SCYL3: variants seen among roughly 807,000 people sequenced by gnomAD.
SCYL3 encodes protein-associating with the carboxyl-terminal domain of ezrin.
Under a neutral mutation model 73.8 loss-of-function variants are expected in SCYL3, and 35 were observed. The observed-to-expected ratio is 0.47, with a 90% CI of 0.36 to 0.63. The LOEUF is 0.63. Among genes scored for constraint, SCYL3 ranks in the 20% least tolerant of loss-of-function variants. The pLI is 0.00. For synonymous variants in SCYL3, 277 were observed against 295.2 expected, an observed-to-expected ratio of 0.94 and a Z score of 0.63; for missense variants, 712 against 798.9, an observed-to-expected ratio of 0.89 and a Z score of 1.31.
intron 2 of SCYL3, among the ~76,000 whole-genome samples, chr1:169,883,697 T>C (rs146754172): frequency 1.1e-3 from 167 of 150,276 alleles, no homozygotes; most frequent in African/African-American, 3.9e-3. Context: ...TCTCAGTGGG[T>C]TGGTTTCTCC....
chr1:169,853,672 AAAG>A lies in SCYL3; in HGVS notation c.*38_*40del, dbSNP rs1658724175. The A allele has an allele frequency of 2.5e-6, 4 of 1,603,628 alleles. No homozygotes were observed. Among genetic ancestry groups the A allele is most frequent in the Non-Finnish European group, 3.4e-6 (4 of 1,174,446 alleles). On this transcript the variant is annotated 3_prime_UTR_variant, in exon 13 of 13. Coordinates refer to ENST00000367771, the MANE Select transcript of SCYL3 (RefSeq NM_020423.7). ...TTTGAGGTATTGATTTTTTTTAAAAAAAGGGAATCCTTTTTCCTAAAGTTTAAC... is the reference window on the plus strand; with the variant it reads ...TTTGAGGTATTGATTTTTTTTAAAAAGGAATCCTTTTTCCTAAAGTTTAAC...
intron 2 of SCYL3, among the ~76,000 whole-genome samples, chr1:169,882,776 G>T (rs1661384616): frequency 6.6e-6 from 1 of 152,080 alleles, no homozygotes; most frequent in South Asian, 2.1e-4. Context: ...TCCACACTCT[G>T]TATCTAGCTA....
intron 9 of SCYL3, among the ~76,000 whole-genome samples, chr1:169,863,907 C>T (rs1314282843): frequency 6.6e-6 from 1 of 152,130 alleles, no homozygotes; most frequent in Non-Finnish European, 1.5e-5. Flanking sequence ...ATCTCTAGTG[C>T]TATAAAATTG....
chr1:169,863,264 C>T (rs1020833476), intron 9 of SCYL3, among the ~76,000 whole-genome samples: 9 of 152,046 alleles, frequency 5.9e-5, no homozygotes, highest in African/African-American at 1.7e-4. Context: ...TTTTCTTGAC[C>T]GAAAATTACT....
chr1:169,887,615 G>T (rs940540830), intron 2 of SCYL3, among the ~76,000 whole-genome samples: 1 of 152,052 alleles, frequency 6.6e-6, no homozygotes, highest in Admixed American at 6.5e-5. Context: ...ATACCTAGAT[G>T]ATGTAAAAAA....
chr1:169,855,574 G>A (rs548426894), intron 11 of SCYL3, among the ~76,000 whole-genome samples: 25 of 152,142 alleles, frequency 1.6e-4, no homozygotes, highest in Non-Finnish European at 2.6e-4. Flanking sequence ...TAAAGTATCA[G>A]TGCAAAAAAG....
Position 169,868,943 on chromosome 1 carries a change from G to C in SCYL3, c.722C>G (p.Ser241Cys). 6.2e-7 allele frequency: 1 copy of C among 1,613,634 alleles called. No homozygotes were observed. Among genetic ancestry groups the C allele is most frequent in the Non-Finnish European group, 8.5e-7 (1 of 1,179,556 alleles). Residue 241 changes from serine (S) to cysteine (C), a missense_variant, in exon 7 of 13, where the codon TCT becomes TGT. Physicochemically the swap from Ser to Cys is moderately radical, Grantham distance 112. Coordinates refer to ENST00000367771, the MANE Select transcript of SCYL3 (RefSeq NM_020423.7). ...ATGCCCTCACCTGAAGAAGTCATGA[G>C]ATAGTAAGGTGCAGAGCGCTGGCCG... ...KCRPALCTLL[S>C]HDFFRNDFLE...
At chr1:169,856,474 T>A (rs1268254326) in intron 11 of SCYL3, among the ~76,000 whole-genome samples, 1 of 152,098 alleles carries the variant, frequency 6.6e-6, no homozygotes, top group Admixed American at 6.6e-5. Context: ...AGTTTATACT[T>A]AAAAAAATGG....
At chr1:169,864,041 G>C (rs1355707456) in intron 9 of SCYL3, among the ~76,000 whole-genome samples, 1 of 152,150 alleles carries the variant, frequency 6.6e-6, no homozygotes, top group Non-Finnish European at 1.5e-5. Flanking sequence ...TGGTAAGGTA[G>C]GAGGCACAGG....
rs374957147 is a variant in SCYL3 at position 169,852,846 on chromosome 1, G to A, written c.*867C>T. 1.1e-4 allele frequency: 171 copies of A among 1,613,974 alleles called. No individual in the cohort carries two copies. The highest frequency in any genetic ancestry group is 6.3e-4 in the South Asian group (57 of 91,084). On this transcript the variant is annotated 3_prime_UTR_variant, in exon 13 of 13. Transcript: ENST00000367771. ...CCTGGGAAGAAGAGTACAGGTCAGCGCTGCATACAATAGCAGGGGCTTTGG... is the reference window on the plus strand; with the variant it reads ...CCTGGGAAGAAGAGTACAGGTCAGCACTGCATACAATAGCAGGGGCTTTGG...
chr1:169,878,340 A>G (rs1660998701), intron 3 of SCYL3, among the ~76,000 whole-genome samples: 1 of 152,214 alleles, frequency 6.6e-6, no homozygotes, highest in South Asian at 2.1e-4. Context: ...TGCCAGCTGT[A>G]GCTATGTTTA....
At chr1:169,870,937 AT>A (rs1415800586) in intron 5 of SCYL3, among the ~76,000 whole-genome samples, 1 of 152,176 alleles carries the variant, frequency 6.6e-6, no homozygotes, top group Non-Finnish European at 1.5e-5. Context: ...AGCACACTAA[AT>A]ATATCTTTGG....
At position 169,849,721 on chromosome 1, in the gene SCYL3, C is replaced by T; in HGVS notation, c.*3992G>A. On this transcript the variant is annotated 3_prime_UTR_variant, in exon 13 of 13. Transcript: ENST00000367771. ...TTCTGTATTGCAATCGGAAAATTGT[C>T]TGAAGGGTACATTACTCGTTATCTC... 1.3e-6 allele frequency: 1 copy of T among 743,984 alleles called. No homozygotes were observed. Among genetic ancestry groups the T allele is most frequent in the Non-Finnish European group, 2.2e-6 (1 of 447,212 alleles). 46.1% of individuals were successfully genotyped at this position (743,984 alleles called of 1,614,324 possible). A position where few individuals can be genotyped will look rare whatever the true frequency, so the allele number is the denominator to read the frequency against.
At position 169,851,667 on chromosome 1, in the gene SCYL3, TA is replaced by T; in HGVS notation, c.*2045del. ...CACAGTAGAGTGATTTAATCCAGAT[TA>T]TACTAAGAGTATTTATAGATCAGTC... On this transcript the variant is annotated 3_prime_UTR_variant, in exon 13 of 13. Coordinates refer to ENST00000367771, the MANE Select transcript of SCYL3 (RefSeq NM_020423.7). The T allele has an allele frequency of 3.5e-6, 3 of 853,990 alleles. No individual in the cohort carries two copies. The highest frequency in any genetic ancestry group is 5.5e-6 in the Non-Finnish European group (3 of 550,396). The allele number at this position is 853,990 out of a possible 1,614,324, so 52.9% of individuals were successfully genotyped here.
chr1:169,854,136 C>CTGA lies in SCYL3; in HGVS notation c.2007+131_2007+133dup, dbSNP rs1553258467. 3 of 687,690 alleles carry CTGA rather than the reference C, an allele frequency of 4.4e-6. No individual in the cohort carries two copies. The Admixed American group carries it at 1.0e-4, about 24-fold the overall frequency. The allele number at this position is 687,690 out of a possible 1,614,324, so 42.6% of individuals were successfully genotyped here. A position where few individuals can be genotyped will look rare whatever the true frequency, so the allele number is the denominator to read the frequency against. On this transcript the variant is annotated intron_variant, in intron 12 of 12. Transcript: ENST00000367771. ...GAAAGATAGATACCAATGATAGAAACTGATTTTGTTAATTTTGTGCTTGAC... is the reference window on the plus strand; with the variant it reads ...GAAAGATAGATACCAATGATAGAAACTGATGATTTTGTTAATTTTGTGCTTGAC...
At chr1:169,876,622 TGAA>T (rs1484062505) in intron 3 of SCYL3, among the ~76,000 whole-genome samples, 2 of 152,048 alleles carry the variant, frequency 1.3e-5, no homozygotes, top group Non-Finnish European at 2.9e-5. Context: ...AAATTCTGCC[TGAA>T]GAAGAGGAAA....
intron 11 of SCYL3, among the ~76,000 whole-genome samples, chr1:169,858,517 A>T (rs907019131): frequency 1.3e-5 from 2 of 152,244 alleles, no homozygotes; most frequent in Non-Finnish European, 2.9e-5. Context: ...GAATACACTA[A>T]TGATTAAAAG....
intron 12 of SCYL3, chr1:169,854,038 T>C: frequency 1.8e-6 from 1 of 566,468 alleles, no homozygotes; most frequent in South Asian, 2.7e-5. Context: ...ATCCCTTTTT[T>C]TTCTTTTTCA....
Position 169,852,880 on chromosome 1 carries a change from G to A in SCYL3, c.*833C>T. 1 of 1,614,148 alleles carries A rather than the reference G, an allele frequency of 6.2e-7. No individual in the cohort carries two copies. The highest frequency in any genetic ancestry group is 8.5e-7 in the Non-Finnish European group (1 of 1,180,004). On this transcript the variant is annotated 3_prime_UTR_variant, in exon 13 of 13. Coordinates refer to ENST00000367771, the MANE Select transcript of SCYL3 (RefSeq NM_020423.7). ...AATAGCAGGGGCTTTGGAAGCAACTGAGTCACTACTCCAAAAGGGTCCTGC... is the reference window on the plus strand; with the variant it reads ...AATAGCAGGGGCTTTGGAAGCAACTAAGTCACTACTCCAAAAGGGTCCTGC...
Sources: gnomAD v4.1 joint callset for allele counts (sites outside exome capture counted in the v4.1 genomes callset) on GRCh38, gnomAD v4.1.1 for gene constraint, MANE v1.5 for transcripts, NCBI Gene and HGNC (gene_info 2026-07-23, HGNC 2026-07-21) for gene names.